ADSL: variants seen among roughly 807,000 people sequenced by gnomAD.
ADSL encodes the protein adenylosuccinase.
ADSL carries 44 observed loss-of-function variants against 62.1 expected under a neutral mutation model. That is an observed-to-expected ratio of 0.71 (90% CI 0.56 to 0.91). ADSL has a LOEUF of 0.91. ADSL is among the 40% of genes least tolerant of loss of function. ADSL has a pLI of 0.00. For missense variants in ADSL, 531 were observed against 627.4 expected, an observed-to-expected ratio of 0.85 and a Z score of 1.64; for synonymous variants, 198 against 220.5, an observed-to-expected ratio of 0.90 and a Z score of 0.90.
At chr22:40,362,915 G>A in intron 9 of ADSL, 66 bp from the exon 10 acceptor site, 2 of 1,422,658 alleles carry the variant, frequency 1.4e-6, no homozygotes, top group East Asian at 2.3e-5. Flanking sequence ...AACTTGTTGG[G>A]ACACACACTG....
Position 40,363,081 on chromosome 22 carries a change from CTCAAT to C in ADSL, c.1101+15_1101+19del, listed in dbSNP as rs2044857006. The C allele has an allele frequency of 6.2e-7, 1 of 1,611,834 alleles. No individual in the cohort carries two copies. The highest frequency in any genetic ancestry group is 1.7e-5 in the Admixed American group (1 of 59,966). On this transcript the variant is annotated intron_variant, in intron 10 of 12. Transcript: ENST00000623063. ...GGTCGTGTACCCCAAAGTAAGAAGC[CTCAAT>C]TCAAAAGTAAAGTACTAGGGAGGGG... is the stretch of plus-strand genomic sequence containing the variant.
chr22:40,385,877 G>C (rs1286351962), intron 2 of ADSL, among the ~76,000 whole-genome samples: 1 of 152,018 alleles, frequency 6.6e-6, no homozygotes, highest in East Asian at 1.9e-4. Context: ...TGAAGACCGG[G>C]TCTCACTCTG....
At chr22:40,359,734 T>C (rs1467437218) in intron 6 of ADSL, among the ~76,000 whole-genome samples, 2 of 152,100 alleles carry the variant, frequency 1.3e-5, no homozygotes, top group Admixed American at 1.3e-4. Flanking sequence ...GTAGAGACCA[T>C]GTTGCCCAGG....
chr22:40,366,112 C>T (rs902966963), intron 12 of ADSL, among the ~76,000 whole-genome samples: 3 of 151,814 alleles, frequency 2.0e-5, no homozygotes, highest in Non-Finnish European at 4.4e-5. Context: ...GGAGGTTAAG[C>T]TCTTGGTGGC....
At chr22:40,358,186 A>T (rs903182793) in intron 4 of ADSL, among the ~76,000 whole-genome samples, 18 of 152,232 alleles carry the variant, frequency 1.2e-4, no homozygotes, top group Non-Finnish European at 8.8e-5. Context: ...GTAAGAGTAC[A>T]TCAGATACTT....
chr22:40,375,333 G>A (rs1396419450), intron 2 of ADSL, among the ~76,000 whole-genome samples: 3 of 152,050 alleles, frequency 2.0e-5, no homozygotes, highest in Non-Finnish European at 4.4e-5. Context: ...TAATCCCAGT[G>A]CTTTGGGAGG....
rs905292146 is a variant in ADSL, at chr22:40,375,827, C to T, written c.89+9329C>T. On this transcript the variant is annotated intron_variant, in intron 2 of 2. Coordinates refer to the ADSL transcript ENST00000498234. ...CTGAGGTGGAAGGATCACTGAAGCC[C>T]AGGAGGTCAAGACCAGCCTGGGCAA... is the stretch of plus-strand genomic sequence containing the variant. Among the ~76,000 whole-genome samples the T allele has an allele frequency of 2.0e-5, 3 of 151,948 alleles. No homozygotes were observed. The East Asian group carries it at 5.8e-4, about 29-fold the overall frequency.
downstream of ADSL, among the ~76,000 whole-genome samples, chr22:40,371,607 A>T (rs2045498121): frequency 6.6e-6 from 1 of 151,164 alleles, no homozygotes; most frequent in South Asian, 2.1e-4. Context: ...TTTAGTTCCA[A>T]TTATCTCTGC....
chr22:40,372,070 C>T (rs1475658556), downstream of ADSL, among the ~76,000 whole-genome samples: 1 of 151,100 alleles, frequency 6.6e-6, no homozygotes, highest in Non-Finnish European at 1.5e-5. Context: ...GCTTTTTCAT[C>T]CCTAATTATC....
At position 40,349,829 on chromosome 22, in the gene ADSL, C is replaced by T. The variant is rs1191797311; in HGVS notation, c.154-3C>T. On this transcript the variant is annotated splice_polypyrimidine_tract_variant and splice_region_variant and intron_variant, in intron 1 of 12. Coordinates refer to ENST00000623063, the MANE Select transcript of ADSL (RefSeq NM_000026.4). ...ATTTTATTTTATTTTGCCTATTCTG[C>T]AGACATTGGGTTTGCCTATCACAGA... 1 of 1,613,262 alleles carries T rather than the reference C, an allele frequency of 6.2e-7. No individual in the cohort carries two copies. The highest frequency in any genetic ancestry group is 8.5e-7 in the Non-Finnish European group (1 of 1,179,424).
chr22:40,346,683 T>C lies in ADSL; in HGVS notation c.125T>C (p.Leu42Pro). The C allele has an allele frequency of 1.2e-6, 2 of 1,611,714 alleles. No individual in the cohort carries two copies. The highest frequency in any genetic ancestry group is 1.1e-5 in the South Asian group (1 of 90,938). Reference protein sequence around the residue: ...DRYKFRTWRQLWLWLAEAEQT... With the variant: ...DRYKFRTWRQPWLWLAEAEQT... Reference sequence around the variant, plus strand: ...TATAAATTCCGGACATGGCGGCAGCTGTGGCTGTGGCTGGCGGAGGCCGAG... The same window carrying C: ...TATAAATTCCGGACATGGCGGCAGCCGTGGCTGTGGCTGGCGGAGGCCGAG... The change falls in exon 1 of 13, where the codon CTG (leucine) becomes CCG (proline). Residue 42 changes from leucine to proline, a missense_variant. By Grantham distance (98) the Leu-to-Pro change is moderately conservative (BLOSUM62 -3). Around this residue, in one of 2 missense-constraint regions of ADSL, gnomAD observed 471 missense variants for 592.9 expected, o/e 0.79. Transcript: ENST00000623063.
At chr22:40,357,741 T>C (rs967621848) in intron 4 of ADSL, among the ~76,000 whole-genome samples, 1 of 152,236 alleles carries the variant, frequency 6.6e-6, no homozygotes, top group Non-Finnish European at 1.5e-5. Flanking sequence ...TTTTATTCTT[T>C]TAGCACTTAA....
At chr22:40,375,294 G>A (rs963858126) in intron 2 of ADSL, among the ~76,000 whole-genome samples, 5 of 152,052 alleles carry the variant, frequency 3.3e-5, no homozygotes, top group Non-Finnish European at 7.4e-5. Context: ...AAATTAGATT[G>A]ATAGGCCGGT....
At chr22:40,380,916 C>T (rs961435453) in intron 2 of ADSL, among the ~76,000 whole-genome samples, 6 of 152,068 alleles carry the variant, frequency 3.9e-5, no homozygotes, top group Non-Finnish European at 8.8e-5. Flanking sequence ...GCCTGGACAA[C>T]AGAGCAAGAC....
At chr22:40,348,171 T>C (rs933379359) in intron 1 of ADSL, among the ~76,000 whole-genome samples, 1 of 152,000 alleles carries the variant, frequency 6.6e-6, no homozygotes, top group Admixed American at 6.6e-5. Context: ...ATGCAGAAAA[T>C]TTGTAGTAAG....
At chr22:40,365,441 A>C (rs2146675252) in intron 12 of ADSL, among the ~76,000 whole-genome samples, 1 of 152,298 alleles carries the variant, frequency 6.6e-6, no homozygotes, top group African/African-American at 2.4e-5. Context: ...GATCTGGGTT[A>C]AATCGTAACC....
downstream of ADSL, chr22:40,372,767 A>G (rs968503118): frequency 1.3e-5 from 2 of 152,234 alleles, no homozygotes; most frequent in Admixed American, 6.5e-5. Context: ...GAAGCTTAAA[A>G]AAAGCTCTGT....
At chr22:40,361,182 A>T in intron 7 of ADSL, 91 bp from the exon 8 acceptor site, 1 of 1,210,958 alleles carries the variant, frequency 8.3e-7, no homozygotes, top group Non-Finnish European at 1.2e-6. Context: ...CACACCTAAG[A>T]GCTCATCTCC....
At chr22:40,348,786 C>T in intron 1 of ADSL, 1 of 391,374 alleles carries the variant, frequency 2.6e-6, no homozygotes, top group African/African-American at 2.1e-5. Flanking sequence ...CAAGATCCTT[C>T]CCGGAGTCAC....
Sources: allele counts gnomAD v4.1 joint callset (sites outside exome capture counted in the v4.1 genomes callset), GRCh38; gene constraint gnomAD v4.1.1; regional missense constraint gnomAD v4.1.1; transcripts MANE v1.5; gene names NCBI Gene and HGNC (gene_info 2026-07-23, HGNC 2026-07-21).